PTER: variants seen among roughly 807,000 people sequenced by gnomAD.
PTER encodes the protein N-acetyltaurine hydrolase.
Under a neutral mutation model 29.6 loss-of-function variants are expected in PTER, and 38 were observed. That is an observed-to-expected ratio of 1.28 (90% CI 0.99 to 1.68). PTER has a LOEUF of 1.68. Among genes scored for constraint, PTER ranks in the 40% most tolerant of loss-of-function variants. The probability of loss-of-function intolerance (pLI) is 0.00; values close to 1 mark genes in which losing one functional copy is unlikely to be tolerated. For missense variants in PTER, 482 were observed against 427.8 expected, an observed-to-expected ratio of 1.13 and a Z score of -1.12; for synonymous variants, 172 against 154.5, an observed-to-expected ratio of 1.11 and a Z score of -0.84.
intron 1 of PTER, among the ~76,000 whole-genome samples, chr10:16,456,235 C>A (rs142094511): frequency 1.3e-5 from 2 of 152,208 alleles, no homozygotes; most frequent in Admixed American, 6.5e-5. Context: ...CATCCATAAA[C>A]ATTTACAGAA....
At chr10:16,456,869 G>GT in intron 1 of PTER, among the ~76,000 whole-genome samples, 2 of 149,268 alleles carry the variant, frequency 1.3e-5, no homozygotes, top group East Asian at 4.1e-4. Context: ...AGGTGGGGGG[G>GT]GGTTCCGCCA....
At chr10:16,496,657 A>C (rs1836114043) in intron 3 of PTER, among the ~76,000 whole-genome samples, 1 of 152,172 alleles carries the variant, frequency 6.6e-6, no homozygotes, top group Admixed American at 6.5e-5. Flanking sequence ...ACACTTGGTA[A>C]ATTCTGTATA....
chr10:16,492,084 C>T (rs1588621618), intron 3 of PTER, among the ~76,000 whole-genome samples: 1 of 152,176 alleles, frequency 6.6e-6, no homozygotes, highest in South Asian at 2.1e-4. Context: ...ACATTGTTGT[C>T]ATGTGACCGT....
intron 1 of PTER, among the ~76,000 whole-genome samples, chr10:16,482,744 C>T (rs1835526436): frequency 6.6e-6 from 1 of 152,108 alleles, no homozygotes; most frequent in Non-Finnish European, 1.5e-5. Flanking sequence ...TTTTCAGTAG[C>T]TCTTGTTCCT....
intron 3 of PTER, among the ~76,000 whole-genome samples, chr10:16,494,998 A>T (rs1431781438): frequency 6.6e-6 from 1 of 152,116 alleles, no homozygotes; most frequent in Non-Finnish European, 1.5e-5. Flanking sequence ...TAAACATTTT[A>T]AAATTAATTT....
intron 3 of PTER, chr10:16,486,864 T>G: frequency 2.3e-6 from 1 of 433,338 alleles, no homozygotes; most frequent in Non-Finnish European, 4.1e-6. Flanking sequence ...CATAAGTCAT[T>G]TCCTTTAATT....
rs575367542 is a variant in PTER, at chr10:16,505,060, C to G, written c.739C>G (p.Leu247Val). Residue 247 changes from leucine (L) to valine (V), a missense_variant, in exon 4 of 5, where the codon CTT becomes GTT. Physicochemically the swap from Leu to Val is conservative, Grantham distance 32 (BLOSUM62 1). Coordinates refer to ENST00000535784, the MANE Select transcript of PTER (RefSeq NM_001261836.2). The stretch of plus-strand genomic sequence containing the variant: ...GAAAGAGCTCTTGGAGTTTGCTCAA[C>G]TTGGCTGCTACTTGGAATATGATCT... ...DKKELLEFAQ[L>V]GCYLEYDLFG... 9.3e-6 allele frequency: 15 copies of G among 1,613,846 alleles called. No homozygotes were observed. Among genetic ancestry groups the G allele is most frequent in the African/African-American group, 1.3e-5 (1 of 74,914 alleles).
intron 1 of PTER, chr10:16,476,094 A>T (rs1835249818): frequency 6.6e-6 from 1 of 151,926 alleles, no homozygotes; most frequent in Non-Finnish European, 1.5e-5. Context: ...TATTATTATT[A>T]TTATTTTGAG....
intron 3 of PTER, 151 bp downstream of exon 3, chr10:16,486,768 T>G: frequency 7.6e-6 from 7 of 916,244 alleles, no homozygotes; most frequent in Non-Finnish European, 1.1e-5. Flanking sequence ...GTTTCACAAC[T>G]GACATGAATA....
rs1351611307 is a variant in PTER, at chr10:16,484,624, A to G, written c.240A>G (p.Ile80Met). The G allele has an allele frequency of 6.2e-7, 1 of 1,614,168 alleles. No homozygotes were observed. Among genetic ancestry groups the G allele is most frequent in the African/African-American group, 1.3e-5 (1 of 75,042 alleles). Residue 80 changes from isoleucine (I) to methionine (M), a missense_variant, in exon 2 of 5, where the codon ATA (isoleucine) becomes ATG (methionine). Ile to Met is a conservative substitution (Grantham distance 10). Coordinates refer to ENST00000535784, the MANE Select transcript of PTER (RefSeq NM_001261836.2). ...NLQLNQETEA[I>M]KEELLYFKAN... Reference sequence around the variant, plus strand: ...AATTAAATCAGGAGACAGAAGCCATAAAGGAAGAACTGTTGTATTTTAAAG... The same window carrying G: ...AATTAAATCAGGAGACAGAAGCCATGAAGGAAGAACTGTTGTATTTTAAAG...
Position 16,456,862 on chromosome 10 carries a change from T to TGGA in PTER, c.-49+19817_-49+19818insAGG, listed in dbSNP as rs1554787512. ...GGAGGTAACTGAACCATGGGGAAGGTGGGGGGGGGTTCCGCCATGCTGTTC... is the reference window on the plus strand; with the variant it reads ...GGAGGTAACTGAACCATGGGGAAGGTGGAGGGGGGGGGTTCCGCCATGCTGTTC... On this transcript the variant is annotated intron_variant, in intron 1 of 4. Transcript: ENST00000535784. Among the ~76,000 whole-genome samples, 22 of 113,662 alleles carry TGGA rather than the reference T, an allele frequency of 1.9e-4. No homozygotes were observed. In the East Asian group the frequency reaches 4.6e-3, roughly 24 times the overall value. The allele number at this position is 113,662 out of a possible 152,430, so 74.6% of individuals were successfully genotyped here. A position where few individuals can be genotyped will look rare whatever the true frequency, so the allele number is the denominator to read the frequency against.
At chr10:16,451,286 T>TC (rs1168275001) in intron 1 of PTER, among the ~76,000 whole-genome samples, 1 of 152,154 alleles carries the variant, frequency 6.6e-6, no homozygotes, top group Non-Finnish European at 1.5e-5. Flanking sequence ...GGTCTGCCAC[T>TC]CCCCGTCCAC....
At chr10:16,448,393 T>C (rs1459220952) in intron 1 of PTER, among the ~76,000 whole-genome samples, 1 of 152,164 alleles carries the variant, frequency 6.6e-6, no homozygotes, top group Non-Finnish European at 1.5e-5. Flanking sequence ...GATAAATGGG[T>C]GGGAGTAACA....
In PTER at chr10:16,511,977, A is replaced by G. The variant is rs1001492677; in HGVS notation, c.*721A>G. 4.3e-4 allele frequency: 65 copies of G among 152,590 alleles called. 1 individual carries two copies. The highest frequency in any genetic ancestry group is 4.3e-3 in the Admixed American group (65 of 15,264). The allele number at this position is 152,590 out of a possible 1,614,324, so 9.5% of individuals were successfully genotyped here. On this transcript the variant is annotated 3_prime_UTR_variant, in exon 5 of 5. Transcript: ENST00000535784. ...ATAAAAATTCAATCATAAAAGTCAA[A>G]ATATATTACATAATATAGTTTAATG...
chr10:16,491,552 A>G (rs1031572839), intron 3 of PTER, among the ~76,000 whole-genome samples: 4 of 152,240 alleles, frequency 2.6e-5, no homozygotes, highest in African/African-American at 9.6e-5. Context: ...CGAAATGCAC[A>G]GAAGCCTCAC....
In PTER at chr10:16,484,619, G is replaced by T; in HGVS notation, c.235G>T (p.Ala79Ser). The T allele has an allele frequency of 6.2e-7, 1 of 1,614,128 alleles. No individual in the cohort carries two copies. The highest frequency in any genetic ancestry group is 8.5e-7 in the Non-Finnish European group (1 of 1,179,986). The change falls in exon 2 of 5, where the codon GCC (alanine) becomes TCC (serine). Residue 79 changes from alanine to serine, a missense_variant. By Grantham distance (99) the Ala-to-Ser change is moderately conservative. Transcript: ENST00000535784. ...CCTTCAATTAAATCAGGAGACAGAA[G>T]CCATAAAGGAAGAACTGTTGTATTT... The part of the protein sequence containing the change: ...ENLQLNQETE[A>S]IKEELLYFKA...
chr10:16,501,751 C>T (rs1375305771), intron 3 of PTER, among the ~76,000 whole-genome samples: 1 of 152,172 alleles, frequency 6.6e-6, no homozygotes, highest in South Asian at 2.1e-4. Context: ...ATAGGAGAAG[C>T]CATACAGTAT....
Position 16,490,310 on chromosome 10 carries a change from A to G in PTER, c.698+3693A>G, listed in dbSNP as rs576462321. On this transcript the variant is annotated intron_variant, in intron 3 of 4. Transcript: ENST00000535784. ...TTGCATTCACGCCATTGTAAAGTCCAAAAAGCATTAAGGTGAACTAGCCAG... is the reference window on the plus strand; with the variant it reads ...TTGCATTCACGCCATTGTAAAGTCCGAAAAGCATTAAGGTGAACTAGCCAG... Among the ~76,000 whole-genome samples the G allele has an allele frequency of 1.1e-3, 163 of 152,262 alleles. 1 individual carries two copies. The highest frequency in any genetic ancestry group is 3.8e-3 in the African/African-American group (160 of 41,578).
intron 1 of PTER, among the ~76,000 whole-genome samples, chr10:16,458,795 C>A (rs1834502285): frequency 6.6e-6 from 1 of 152,176 alleles, no homozygotes; most frequent in Admixed American, 6.5e-5. Flanking sequence ...CAACCAAAAA[C>A]AGTACCAAGA....
Sources: allele counts gnomAD v4.1 joint callset (sites outside exome capture counted in the v4.1 genomes callset), GRCh38; gene constraint gnomAD v4.1.1; transcripts MANE v1.5; gene names NCBI Gene and HGNC (gene_info 2026-07-23, HGNC 2026-07-21).